EMB: variants seen among roughly 807,000 people sequenced by gnomAD.
The protein encoded by EMB is embigin homolog.
In EMB, 31 loss-of-function variants were observed where a neutral mutation model predicts 41.4. The ratio of observed to expected loss-of-function variants is 0.75; its 90% CI spans 0.56 to 1.01. EMB has a LOEUF of 1.01. EMB is among the 50% of genes least tolerant of loss of function. The probability of loss-of-function intolerance (pLI) is 0.00; values close to 1 mark genes in which losing one functional copy is unlikely to be tolerated. For missense variants in EMB, 379 were observed against 388.3 expected (o/e 0.98, Z 0.20); for synonymous variants, 137 against 140.4 (o/e 0.98, Z 0.17).
chr5:50,409,441 A>C (rs1213904821), intron 4 of EMB, among the ~76,000 whole-genome samples: 2 of 152,116 alleles, frequency 1.3e-5, no homozygotes, highest in African/African-American at 4.8e-5. Flanking sequence ...TTAAGTCACA[A>C]GATTCTGTGA....
Position 50,399,084 on chromosome 5 carries a change from A to T in EMB, c.*189T>A. Reference sequence around the variant, plus strand: ...CTGATTTACATTGCTTTTATGTAACATAATTACAGAATGAAAATATACCTT... The same window carrying T: ...CTGATTTACATTGCTTTTATGTAACTTAATTACAGAATGAAAATATACCTT... On this transcript the variant is annotated 3_prime_UTR_variant, in exon 9 of 9. Transcript: ENST00000303221. The T allele has an allele frequency of 1.5e-6, 1 of 647,436 alleles. No homozygotes were observed. The highest frequency in any genetic ancestry group is 3.2e-5 in the East Asian group (1 of 31,018). 40.1% of individuals were successfully genotyped at this position (647,436 alleles called of 1,614,324 possible).
chr5:50,402,426 C>A (rs954106075), intron 6 of EMB, 107 bp from the exon 7 acceptor site: 123 of 1,049,472 alleles, frequency 1.2e-4, no homozygotes, highest in Non-Finnish European at 1.7e-4. Context: ...TATGCTGTTT[C>A]TCCTGTTTGG....
In EMB at chr5:50,398,310, C is replaced by A. The variant is rs577543351; in HGVS notation, c.*963G>T. On this transcript the variant is annotated 3_prime_UTR_variant, in exon 9 of 9. Coordinates refer to ENST00000303221, the MANE Select transcript of EMB (RefSeq NM_198449.3). ...CCTATTTTGGAAGATAAGTCTAAGG[C>A]ATTCACAGCAATAAAAAAGAAGTGC... The A allele has an allele frequency of 1.3e-5, 2 of 151,992 alleles. No individual in the cohort carries two copies. Among genetic ancestry groups the A allele is most frequent in the South Asian group, 4.1e-4 (2 of 4,822 alleles). 9.4% of individuals were successfully genotyped at this position (151,992 alleles called of 1,614,324 possible).
At position 50,398,774 on chromosome 5, in the gene EMB, C is replaced by T; in HGVS notation, c.*499G>A. Reference sequence around the variant, plus strand: ...TAGCAAAGGCAGAAAGTATTCATTTCAACTTAGTAAAGACATATTTTTTCA... The same window carrying T: ...TAGCAAAGGCAGAAAGTATTCATTTTAACTTAGTAAAGACATATTTTTTCA... On this transcript the variant is annotated 3_prime_UTR_variant, in exon 9 of 9. Transcript: ENST00000303221. 1 of 152,210 alleles carries T rather than the reference C, an allele frequency of 6.6e-6. No individual in the cohort carries two copies. The highest frequency in any genetic ancestry group is 1.9e-4 in the East Asian group (1 of 5,170). The allele number at this position is 152,210 out of a possible 1,614,324, so 9.4% of individuals were successfully genotyped here.
At chr5:50,436,474 C>T (rs1487510378) in intron 1 of EMB, among the ~76,000 whole-genome samples, 2 of 152,238 alleles carry the variant, frequency 1.3e-5, no homozygotes, top group Non-Finnish European at 2.9e-5. Flanking sequence ...CCTGTCCCCA[C>T]AGAGATGTCT....
chr5:50,443,143 G>A (rs1484109034), upstream of EMB: 1 of 152,008 alleles, frequency 6.6e-6, no homozygotes, highest in African/African-American at 2.4e-5. Flanking sequence ...TTTAAAACAA[G>A]CTTATTGACT....
At chr5:50,413,519 A>G (rs1166082527) in intron 2 of EMB, among the ~76,000 whole-genome samples, 3 of 152,190 alleles carry the variant, frequency 2.0e-5, no homozygotes, top group Non-Finnish European at 4.4e-5. Flanking sequence ...GAAAGTAATC[A>G]ACAAAATCCA....
At position 50,397,895 on chromosome 5, in the gene EMB, T is replaced by C. The variant is rs985168088; in HGVS notation, c.*1378A>G. 1 of 152,068 alleles carries C rather than the reference T, an allele frequency of 6.6e-6. No homozygotes were observed. Among genetic ancestry groups the C allele is most frequent in the Non-Finnish European group, 1.5e-5 (1 of 67,980 alleles). 9.4% of individuals were successfully genotyped at this position (152,068 alleles called of 1,614,324 possible). A position where few individuals can be genotyped will look rare whatever the true frequency, so the allele number is the denominator to read the frequency against. On this transcript the variant is annotated 3_prime_UTR_variant, in exon 9 of 9. Coordinates refer to ENST00000303221, the MANE Select transcript of EMB (RefSeq NM_198449.3). ...GCAGCTTCCAAGTCACTACCTTATG[T>C]GTATTATTCATACTAGTAATATTGG... is the stretch of plus-strand genomic sequence containing the variant.
intron 1 of EMB, among the ~76,000 whole-genome samples, chr5:50,429,696 G>GA (rs1368330692): frequency 6.6e-6 from 1 of 151,840 alleles, no homozygotes; most frequent in Non-Finnish European, 1.5e-5. Context: ...TTTAAAAAAA[G>GA]AAAAAAAGTC....
rs1317514406 is a variant in EMB at position 50,421,282 on chromosome 5, A to G, written c.196+6862T>C. Among the ~76,000 whole-genome samples, 4 of 151,878 alleles carry G rather than the reference A, an allele frequency of 2.6e-5. No homozygotes were observed. The East Asian group carries it at 7.7e-4, about 29-fold the overall frequency. On this transcript the variant is annotated intron_variant, in intron 2 of 8. Coordinates refer to ENST00000303221, the MANE Select transcript of EMB (RefSeq NM_198449.3). ...AAGAAGACATTTATGCAGCCAAAAG[A>G]CACATGAAAAAATGCTCATCATCAC... is the stretch of plus-strand genomic sequence containing the variant.
At chr5:50,440,774 C>T (rs1293339003) in intron 1 of EMB, among the ~76,000 whole-genome samples, 1 of 152,140 alleles carries the variant, frequency 6.6e-6, no homozygotes, top group Non-Finnish European at 1.5e-5. Flanking sequence ...CTGTTACCTA[C>T]GCGCCCGACT....
chr5:50,412,793 T>C (rs181457576), intron 2 of EMB, among the ~76,000 whole-genome samples: 5 of 152,006 alleles, frequency 3.3e-5, no homozygotes, highest in Admixed American at 1.3e-4. Flanking sequence ...GCAAGGAATA[T>C]GGAATGGTTA....
chr5:50,430,827 C>T (rs185712341), intron 1 of EMB, among the ~76,000 whole-genome samples: 1 of 152,230 alleles, frequency 6.6e-6, no homozygotes, highest in Admixed American at 6.5e-5. Flanking sequence ...AATGCTGGGG[C>T]TATTCTCCCT....
At position 50,411,106 on chromosome 5, in the gene EMB, T is replaced by C. The variant is rs1745329048; in HGVS notation, c.383+91A>G. On this transcript the variant is annotated intron_variant, in intron 3 of 8. Coordinates refer to ENST00000303221, the MANE Select transcript of EMB (RefSeq NM_198449.3). ...TTAGAATATTAGCATAACATTCAAG[T>C]GGCTGCAGAGGAAAGAATGCTCAGT... is the stretch of plus-strand genomic sequence containing the variant. 4.0e-6 allele frequency: 5 copies of C among 1,249,474 alleles called. No individual in the cohort carries two copies. In the South Asian group the frequency reaches 6.1e-5, roughly 15 times the overall value. The allele number at this position is 1,249,474 out of a possible 1,614,324, so 77.4% of individuals were successfully genotyped here. A position where few individuals can be genotyped will look rare whatever the true frequency, so the allele number is the denominator to read the frequency against.
chr5:50,433,351 A>G (rs1212575337), intron 1 of EMB, among the ~76,000 whole-genome samples: 1 of 56,806 alleles, frequency 1.8e-5, no homozygotes, highest in Non-Finnish European at 3.5e-5. Context: ...CTTTAAAAAA[A>G]TATAATTTTG....
intron 2 of EMB, 91 bp from the exon 3 acceptor site, chr5:50,411,474 T>C (rs753841035): frequency 1.3e-5 from 11 of 836,066 alleles, no homozygotes; most frequent in South Asian, 6.3e-5. Flanking sequence ...CAGTGTTTCA[T>C]TGACAATTTC....
chr5:50,439,867 T>C (rs1745867646), intron 1 of EMB, among the ~76,000 whole-genome samples: 2 of 152,228 alleles, frequency 1.3e-5, no homozygotes, highest in Admixed American at 1.3e-4. Context: ...TTTTAGTTAC[T>C]GGTGGCCAAT....
Position 50,399,077 on chromosome 5 carries a change from A to G in EMB, c.*196T>C. ...ATTTATTCTGATTTACATTGCTTTTATGTAACATAATTACAGAATGAAAAT... is the reference window on the plus strand; with the variant it reads ...ATTTATTCTGATTTACATTGCTTTTGTGTAACATAATTACAGAATGAAAAT... On this transcript the variant is annotated 3_prime_UTR_variant, in exon 9 of 9. Transcript: ENST00000303221. 1.7e-6 allele frequency: 1 copy of G among 599,564 alleles called. No homozygotes were observed. The highest frequency in any genetic ancestry group is 2.6e-6 in the Non-Finnish European group (1 of 377,610). The allele number at this position is 599,564 out of a possible 1,614,324, so 37.1% of individuals were successfully genotyped here. A position where few individuals can be genotyped will look rare whatever the true frequency, so the allele number is the denominator to read the frequency against.
intron 2 of EMB, chr5:50,411,867 T>G (rs936212535): frequency 4.6e-5 from 7 of 152,202 alleles, no homozygotes; most frequent in African/African-American, 1.7e-4. Context: ...ATATATTATA[T>G]TCTAACCATT....
Sources: allele counts gnomAD v4.1 joint callset (sites outside exome capture counted in the v4.1 genomes callset), GRCh38; gene constraint gnomAD v4.1.1; transcripts MANE v1.5; gene names NCBI Gene and HGNC (gene_info 2026-07-23, HGNC 2026-07-21).